NPAS2: variants seen among roughly 807,000 people sequenced by gnomAD.
NPAS2 encodes the protein neuronal PAS domain-containing protein 2.
A neutral mutation model predicts 107.5 loss-of-function variants in NPAS2; 23 were observed. The observed-to-expected ratio is 0.21, with a 90% CI of 0.15 to 0.30. The LOEUF (loss-of-function observed/expected upper bound fraction) is 0.30. Ranked by LOEUF, NPAS2 falls within the 10% of genes least tolerant of loss-of-function variation. The pLI, the probability that NPAS2 is intolerant of heterozygous loss-of-function variation, is 1.00. For missense variants in NPAS2, 756 were observed against 1,043.3 expected (o/e 0.72, Z 3.79); for synonymous variants, 403 against 417.5 (o/e 0.97, Z 0.42).
intron 1 of NPAS2, among the ~76,000 whole-genome samples, chr2:100,833,395 C>G (rs17024852): frequency 0.043 from 6,520 of 152,322 alleles, 493 homozygotes; most frequent in African/African-American, 0.15. Flanking sequence ...GACCAGTTCA[C>G]TCAAACTCTT....
chr2:100,975,415 T>C, intron 13 of NPAS2, 43 bp from the exon 14 acceptor site: 2 of 1,553,468 alleles, frequency 1.3e-6, no homozygotes, highest in Non-Finnish European at 1.8e-6. Flanking sequence ...GAGTACATGC[T>C]AAGTACATGG....
At chr2:100,975,271 G>T in intron 13 of NPAS2, 187 bp from the exon 14 acceptor site, 2 of 622,790 alleles carry the variant, frequency 3.2e-6, no homozygotes. Flanking sequence ...GGGAGTGTTT[G>T]TGGTGTCTCC....
chr2:100,995,971 C>A lies in NPAS2; in HGVS notation c.*389C>A. ...GCTAGCTGGCCTTCACGCTCTTGAT[C>A]GTCTTTCCTTTGTATTGGAGAAGGA... On this transcript the variant is annotated 3_prime_UTR_variant, in exon 21 of 21. Transcript: ENST00000335681. 7.6e-7 allele frequency: 1 copy of A among 1,311,244 alleles called. No homozygotes were observed. The highest frequency in any genetic ancestry group is 9.9e-7 in the Non-Finnish European group (1 of 1,007,072). 81.2% of individuals were successfully genotyped at this position (1,311,244 alleles called of 1,614,324 possible).
intron 1 of NPAS2, among the ~76,000 whole-genome samples, chr2:100,877,470 AAT>A: frequency 6.6e-6 from 1 of 150,642 alleles, no homozygotes; most frequent in Non-Finnish European, 1.5e-5. Flanking sequence ...AAAAAAAAGA[AAT>A]GGTTGAAATA....
chr2:100,938,655 C>T (rs1471267811), intron 5 of NPAS2, among the ~76,000 whole-genome samples: 1 of 148,320 alleles, frequency 6.7e-6, no homozygotes, highest in African/African-American at 2.5e-5. Flanking sequence ...TGAAGTGACT[C>T]ATGGGTCTGC....
At chr2:100,949,926 C>T (rs958164762) in intron 7 of NPAS2, among the ~76,000 whole-genome samples, 1 of 152,130 alleles carries the variant, frequency 6.6e-6, no homozygotes, top group South Asian at 2.1e-4. Context: ...CACTGTGGCC[C>T]TCATGCACAG....
chr2:100,878,001 A>G (rs1680092974), intron 1 of NPAS2: 7 of 985,408 alleles, frequency 7.1e-6, no homozygotes, highest in Non-Finnish European at 8.4e-6. Flanking sequence ...TTTATCAGTT[A>G]CGTGTGGTAT....
At chr2:100,966,907 C>T (rs1188998834) in intron 10 of NPAS2, among the ~76,000 whole-genome samples, 1 of 152,080 alleles carries the variant, frequency 6.6e-6, no homozygotes, top group Non-Finnish European at 1.5e-5. Flanking sequence ...AGAACTTTCT[C>T]TTCTGTGGAG....
Position 100,976,922 on chromosome 2 carries a change from A to G in NPAS2, c.1393-788A>G, listed in dbSNP as rs777352335. ...CACTGAAACAAGGTCTCCTGGTGTC[A>G]TTTCCTCCCAATGCTGTCCTGGGTG... On this transcript the variant is annotated intron_variant, in intron 14 of 20. Coordinates refer to ENST00000335681, the MANE Select transcript of NPAS2 (RefSeq NM_002518.4). This position sits in a 1 kb window ranked among gnomAD's most constrained non-coding sequence, Gnocchi z 4.1. The G allele has an allele frequency of 2.0e-5, 3 of 151,830 alleles. No homozygotes were observed. Among genetic ancestry groups the G allele is most frequent in the Non-Finnish European group, 4.4e-5 (3 of 68,008 alleles). The allele number at this position is 151,830 out of a possible 1,614,324, so 9.4% of individuals were successfully genotyped here. A position where few individuals can be genotyped will look rare whatever the true frequency, so the allele number is the denominator to read the frequency against.
At chr2:100,992,647 G>A (rs899020743) in intron 19 of NPAS2, among the ~76,000 whole-genome samples, 1 of 152,126 alleles carries the variant, frequency 6.6e-6, no homozygotes, top group Non-Finnish European at 1.5e-5. Flanking sequence ...ATCTCATTTT[G>A]GTTTTGATCT....
intron 2 of NPAS2, among the ~76,000 whole-genome samples, chr2:100,921,483 C>G (rs1332747197): frequency 1.4e-5 from 2 of 140,190 alleles, no homozygotes; most frequent in Non-Finnish European, 3.1e-5. Context: ...ATTCAAAAAT[C>G]AATATCCATG....
intron 6 of NPAS2, 103 bp downstream of exon 6, chr2:100,948,458 T>G (rs1675032693): frequency 9.2e-7 from 1 of 1,085,364 alleles, no homozygotes; most frequent in Non-Finnish European, 1.3e-6. Flanking sequence ...TTAAGAATAA[T>G]TTTCCTCATG....
chr2:100,954,589 T>A (rs1675440027), intron 7 of NPAS2, among the ~76,000 whole-genome samples: 1 of 147,304 alleles, frequency 6.8e-6, no homozygotes, highest in Admixed American at 6.9e-5. Flanking sequence ...TGCTTGAGTC[T>A]GGGAGGCGGA....
chr2:100,869,900 C>CTTTTTTTT lies in NPAS2; in HGVS notation c.-22-34818_-22-34811dup. On this transcript the variant is annotated intron_variant, in intron 1 of 20. Coordinates refer to ENST00000335681, the MANE Select transcript of NPAS2 (RefSeq NM_002518.4). Reference sequence around the variant, plus strand: ...TTTGGCCCCAGCAGACTCCTGACTTCTTTTTTTTTTTTTTTTTTTTTTGAG... The same window carrying CTTTTTTTT: ...TTTGGCCCCAGCAGACTCCTGACTTCTTTTTTTTTTTTTTTTTTTTTTTTTTTTTTGAG... Among the ~76,000 whole-genome samples the CTTTTTTTT allele has an allele frequency of 2.4e-5, 2 of 82,468 alleles. 1 individual carries two copies. The highest frequency in any genetic ancestry group is 5.0e-5 in the Non-Finnish European group (2 of 39,882). 54.1% of individuals were successfully genotyped at this position (82,468 alleles called of 152,430 possible). A position where few individuals can be genotyped will look rare whatever the true frequency, so the allele number is the denominator to read the frequency against.
intron 5 of NPAS2, among the ~76,000 whole-genome samples, chr2:100,946,802 A>G (rs1168969848): frequency 1.3e-5 from 2 of 152,096 alleles, no homozygotes; most frequent in Non-Finnish European, 2.9e-5. Flanking sequence ...AATAGAAGTG[A>G]ATGGAGCAGA....
chr2:100,928,272 C>T (rs1053468095), intron 3 of NPAS2, among the ~76,000 whole-genome samples: 2 of 151,744 alleles, frequency 1.3e-5, no homozygotes, highest in Non-Finnish European at 2.9e-5. Flanking sequence ...ATTTGATTGC[C>T]CTGATAATTT....
chr2:100,899,771 A>G (rs1573576183), intron 1 of NPAS2, among the ~76,000 whole-genome samples: 1 of 152,226 alleles, frequency 6.6e-6, no homozygotes, highest in East Asian at 1.9e-4. Flanking sequence ...AAATGAAGCT[A>G]AATATAGTCC....
At chr2:100,990,075 G>A in intron 17 of NPAS2, 181 bp from the exon 18 acceptor site, 1 of 656,672 alleles carries the variant, frequency 1.5e-6, no homozygotes, top group Non-Finnish European at 2.7e-6. Context: ...CTAGGCCCAA[G>A]GGATTCAAAT....
intron 2 of NPAS2, among the ~76,000 whole-genome samples, chr2:100,923,355 T>C (rs1361710933): frequency 6.6e-6 from 1 of 152,156 alleles, no homozygotes; most frequent in Non-Finnish European, 1.5e-5. Flanking sequence ...TAAACTGAGA[T>C]AGGACCGGTA....
Sources: allele counts gnomAD v4.1 joint callset (sites outside exome capture counted in the v4.1 genomes callset), GRCh38; gene constraint gnomAD v4.1.1; non-coding constraint Gnocchi (gnomAD v3.1); transcripts MANE v1.5; gene names NCBI Gene and HGNC (gene_info 2026-07-23, HGNC 2026-07-21).